Variants in RSPH14 observed in about 807,000 individuals in gnomAD.
RSPH14 encodes rhabdoid tumor deletion region gene 1.
In RSPH14, 20 loss-of-function variants were observed where a neutral mutation model predicts 26.7. That is an observed-to-expected ratio of 0.75 (90% confidence interval 0.53 to 1.09). The LOEUF is 1.09. Among genes scored for constraint, RSPH14 ranks in the 50% least tolerant of loss-of-function variants. The probability of loss-of-function intolerance (pLI) is 0.00; values close to 1 mark genes in which losing one functional copy is unlikely to be tolerated. For synonymous variants in RSPH14, 177 were observed against 189.3 expected (o/e 0.93, Z 0.53); for missense variants, 449 against 457.2 (o/e 0.98, Z 0.16).
intron 4 of RSPH14, chr22:23,095,781 G>A (rs1329272614): frequency 9.3e-6 from 15 of 1,613,224 alleles, no homozygotes; most frequent in East Asian, 4.5e-5. Flanking sequence ...GAGAGCCAGC[G>A]GCAACGCCGC....
At chr22:23,084,832 G>A (rs555365164) in intron 4 of RSPH14, among the ~76,000 whole-genome samples, 11 of 152,340 alleles carry the variant, frequency 7.2e-5, no homozygotes, top group East Asian at 3.9e-4. Flanking sequence ...GAGTGTGGGC[G>A]TGGACACCAA....
intron 4 of RSPH14, among the ~76,000 whole-genome samples, chr22:23,091,143 C>A (rs2068960071): frequency 6.6e-6 from 1 of 152,202 alleles, no homozygotes; most frequent in Non-Finnish European, 1.5e-5. Context: ...GAGGCATGGA[C>A]CTGTGCATGC....
At chr22:23,180,194 G>A in the RSPH14 span, 2 of 226,682 alleles carry the variant, frequency 8.8e-6, no homozygotes, top group Non-Finnish European at 1.8e-5. Flanking sequence ...GGCCGGAGGG[G>A]AGCCAAGTGT....
intron 4 of RSPH14, among the ~76,000 whole-genome samples, chr22:23,099,242 G>C (rs1039542346): frequency 6.6e-6 from 1 of 152,272 alleles, no homozygotes; most frequent in Non-Finnish European, 1.5e-5. Flanking sequence ...GTGAGTGCAG[G>C]GCAGCACCTC....
chr22:23,173,669 G>A, the RSPH14 span, among the ~76,000 whole-genome samples: 1 of 138,452 alleles, frequency 7.2e-6, no homozygotes, highest in South Asian at 2.4e-4. Flanking sequence ...TCTCACTATG[G>A]TGCCCAGGCT....
intron 5 of RSPH14, among the ~76,000 whole-genome samples, 167 bp downstream of exon 5, chr22:23,063,735 G>T (rs1398876839): frequency 6.6e-6 from 1 of 152,014 alleles, no homozygotes; most frequent in African/African-American, 2.4e-5. Flanking sequence ...CGGGATGGTG[G>T]TCACCCTAGG....
the RSPH14 span, among the ~76,000 whole-genome samples, chr22:23,156,539 G>A: frequency 4.6e-5 from 7 of 152,268 alleles, no homozygotes; most frequent in Admixed American, 3.9e-4. Context: ...AGCAGGGGGC[G>A]GCAGCATAAG....
At chr22:23,139,017 T>A in intron 2 of RSPH14, 75 bp from the exon 3 acceptor site, 1 of 1,194,826 alleles carries the variant, frequency 8.4e-7, no homozygotes, top group Non-Finnish European at 1.2e-6. Flanking sequence ...AACCCAGAAG[T>A]CAATAAGTGG....
the RSPH14 span, chr22:23,158,145 G>A: frequency 6.4e-7 from 1 of 1,550,850 alleles, no homozygotes; most frequent in Admixed American, 2.0e-5. Flanking sequence ...CGTGGTGGGT[G>A]TGAGTGACCA....
the RSPH14 span, among the ~76,000 whole-genome samples, chr22:23,165,317 G>A: frequency 6.6e-6 from 1 of 152,222 alleles, no homozygotes; most frequent in Non-Finnish European, 1.5e-5. Context: ...ACAATCCTGT[G>A]CTTGGCTCTC....
the RSPH14 span, among the ~76,000 whole-genome samples, chr22:23,177,501 GGA>G: frequency 2.6e-3 from 399 of 152,234 alleles, 1 homozygote; most frequent in African/African-American, 9.2e-3. Context: ...AGATCTAGTT[GGA>G]ACAGACACTG....
At chr22:23,093,981 G>A (rs1012339004) in intron 4 of RSPH14, among the ~76,000 whole-genome samples, 1 of 152,184 alleles carries the variant, frequency 6.6e-6, no homozygotes, top group Non-Finnish European at 1.5e-5. Flanking sequence ...TGAGGGGCAC[G>A]GATGGCTGCT....
intron 3 of RSPH14, among the ~76,000 whole-genome samples, chr22:23,135,073 AG>A (rs1181140717): frequency 6.6e-6 from 1 of 152,142 alleles, no homozygotes; most frequent in Non-Finnish European, 1.5e-5. Context: ...CAGTAGGCTA[AG>A]GTGGGAGGAT....
intron 4 of RSPH14, among the ~76,000 whole-genome samples, chr22:23,086,300 G>A (rs2068818806): frequency 6.6e-6 from 1 of 152,248 alleles, no homozygotes; most frequent in Non-Finnish European, 1.5e-5. Context: ...GCCACCCCGG[G>A]AAATCACCTC....
rs1406941792 is a variant in RSPH14, at chr22:23,140,311, G to A, written c.110C>T (p.Ser37Leu). ...TTTCTGCCTCGTCTGGAGGTCCTCTGACTGCAGCTCCTCCTTCAGCTTGGG... is the reference window on the plus strand; with the variant it reads ...TTTCTGCCTCGTCTGGAGGTCCTCTAACTGCAGCTCCTCCTTCAGCTTGGG... ...ALPKLKEELQ[S>L]EDLQTRQKAL... The change falls in exon 2 of 7, where the codon TCA (serine) becomes TTA (leucine). Residue 37 changes from serine (S) to leucine (L), a missense_variant. Physicochemically the swap from Ser to Leu is moderately radical, Grantham distance 145 (BLOSUM62 -2). Coordinates refer to ENST00000216036, the MANE Select transcript of RSPH14 (RefSeq NM_014433.3). 6.2e-7 allele frequency: 1 copy of A among 1,614,186 alleles called. No homozygotes were observed. The highest frequency in any genetic ancestry group is 1.3e-5 in the African/African-American group (1 of 75,046).
At chr22:23,109,253 G>T (rs763740388) in intron 4 of RSPH14, among the ~76,000 whole-genome samples, 25 of 152,302 alleles carry the variant, frequency 1.6e-4, no homozygotes, top group Non-Finnish European at 3.1e-4. Flanking sequence ...AGTGAGCCTG[G>T]CAGCAGAGCC....
the RSPH14 span, among the ~76,000 whole-genome samples, chr22:23,165,261 ACT>A: frequency 6.6e-6 from 1 of 152,186 alleles, no homozygotes; most frequent in Non-Finnish European, 1.5e-5. Context: ...GACAGATTGC[ACT>A]CTGACCCAGA....
At chr22:23,179,896 C>G in the RSPH14 span, 1 of 244,454 alleles carries the variant, frequency 4.1e-6, no homozygotes, top group Admixed American at 5.5e-5. Context: ...AGAGGCCAGG[C>G]TGTGAGGTGT....
chr22:23,110,739 G>A (rs974473252), intron 4 of RSPH14, among the ~76,000 whole-genome samples: 19 of 152,240 alleles, frequency 1.2e-4, no homozygotes, highest in South Asian at 2.1e-4. Context: ...ACAGCAGTGC[G>A]TCTGCAGAGA....
Sources: allele counts gnomAD v4.1 joint callset (sites outside exome capture counted in the v4.1 genomes callset), GRCh38; gene constraint gnomAD v4.1.1; transcripts MANE v1.5; gene names NCBI Gene and HGNC (gene_info 2026-07-23, HGNC 2026-07-21).